BRPF3: variants seen among roughly 807,000 people sequenced by gnomAD.
BRPF3 encodes bromodomain and PHD finger-containing protein 3.
BRPF3 carries 18 observed loss-of-function variants against 102.0 expected under a neutral mutation model. That is an observed-to-expected ratio of 0.18 (90% CI 0.12 to 0.26). BRPF3 has a LOEUF of 0.26. Ranked by LOEUF, BRPF3 falls within the 10% of genes least tolerant of loss-of-function variation. The pLI, the probability that BRPF3 is intolerant of heterozygous loss-of-function variation, is 1.00. For missense variants in BRPF3, 1,147 were observed against 1,567.8 expected (o/e 0.73, Z 4.53); for synonymous variants, 570 against 614.2 (o/e 0.93, Z 1.06).
chr6:36,208,978 C>G (rs1364940597), intron 4 of BRPF3, among the ~76,000 whole-genome samples: 1 of 152,210 alleles, frequency 6.6e-6, no homozygotes, highest in Non-Finnish European at 1.5e-5. Flanking sequence ...GAATCAGTAT[C>G]TCAGCACACT....
Position 36,210,641 on chromosome 6 carries a change from AAAGCTGAGGGTGAGCAC to A in BRPF3, c.2179+115_2179+131del. The A allele has an allele frequency of 1.0e-6, 1 of 971,954 alleles. No individual in the cohort carries two copies. The allele number at this position is 971,954 out of a possible 1,614,324, so 60.2% of individuals were successfully genotyped here. A position where few individuals can be genotyped will look rare whatever the true frequency, so the allele number is the denominator to read the frequency against. ...GGGGCTATAGGTAGACTCCAGGAGC[AAAGCTGAGGGTGAGCAC>A]AGACTGAGGTATACCTTTGTGGCTA... On this transcript the variant is annotated intron_variant, in intron 6 of 12. Coordinates refer to ENST00000357641, the MANE Select transcript of BRPF3 (RefSeq NM_015695.3). This position sits in a 1 kb window ranked among gnomAD's most constrained non-coding sequence, Gnocchi z 4.7.
chr6:36,222,082 C>CAA, intron 9 of BRPF3, 86 bp from the exon 10 acceptor site: 1 of 1,341,218 alleles, frequency 7.5e-7, no homozygotes, highest in South Asian at 1.3e-5. Context: ...CCACTCCTGT[C>CAA]AGAGAGGGGA....
chr6:36,203,026 T>C (rs1767774728), intron 2 of BRPF3, among the ~76,000 whole-genome samples: 1 of 152,242 alleles, frequency 6.6e-6, no homozygotes, highest in African/African-American at 2.4e-5. Flanking sequence ...ATGTGTTTTC[T>C]AGTCACAGAG....
At chr6:36,204,559 A>G (rs777726475) in intron 2 of BRPF3, 99 bp from the exon 3 acceptor site, 11 of 1,404,042 alleles carry the variant, frequency 7.8e-6, no homozygotes, top group Admixed American at 6.8e-5. Flanking sequence ...GTCTTCCTGT[A>G]TAAGGTTCAG....
At position 36,200,859 on chromosome 6, in the gene BRPF3, G is replaced by A; in HGVS notation, c.537G>A (p.Val179=). Residue 179 remains valine (V), a synonymous_variant, in exon 2 of 13, where the codon GTG becomes GTA. Coordinates refer to ENST00000357641, the MANE Select transcript of BRPF3 (RefSeq NM_015695.3). This position sits in a 1 kb window ranked among gnomAD's most constrained non-coding sequence, Gnocchi z 5.3. ...GGCGAGTAGATGGGCACAGTTTGGT[G>A]TCTGCAGATACCTTTGAGCTGCTGG... The part of the protein sequence containing the change: ...EKRRVDGHSL[V]SADTFELLVD... 6.2e-7 allele frequency: 1 copy of A among 1,614,214 alleles called. No individual in the cohort carries two copies. Among genetic ancestry groups the A allele is most frequent in the Non-Finnish European group, 8.5e-7 (1 of 1,180,038 alleles).
rs562718902 is a variant in BRPF3, at chr6:36,222,233, G to A, written c.3149G>A (p.Gly1050Asp). 112 of 1,550,262 alleles carry A rather than the reference G, an allele frequency of 7.2e-5. 2 individuals carry two copies. The South Asian group carries it at 1.3e-3, about 17-fold the overall frequency. ...CTGTCTCGAGTGCCCTTCCTGGAAG[G>A]TGTGAACGGAGACTCTGACTACAAT... is the stretch of plus-strand genomic sequence containing the variant. ...PALSRVPFLE[G>D]VNGDSDYNGS... Residue 1050 changes from glycine to aspartate, a missense_variant, in exon 10 of 13, where the codon GGT (glycine) becomes GAT (aspartate). Physicochemically the swap from Gly to Asp is moderately conservative, Grantham distance 94 (BLOSUM62 -1). Coordinates refer to ENST00000357641, the MANE Select transcript of BRPF3 (RefSeq NM_015695.3).
intron 9 of BRPF3, among the ~76,000 whole-genome samples, chr6:36,219,347 AAG>A (rs1319670083): frequency 2.6e-5 from 4 of 152,186 alleles, no homozygotes; most frequent in African/African-American, 9.7e-5. Context: ...AGGCACAGGA[AAG>A]AGAAAGATTT....
intron 8 of BRPF3, among the ~76,000 whole-genome samples, chr6:36,216,598 C>T (rs1768337153): frequency 6.6e-6 from 1 of 152,224 alleles, no homozygotes. Flanking sequence ...CATTGTGGCT[C>T]AGACACCTGC....
intron 11 of BRPF3, among the ~76,000 whole-genome samples, chr6:36,228,385 A>G (rs7747793): frequency 0.9 from 137,615 of 152,228 alleles, 62,340 homozygotes; most frequent in East Asian, 0.97. Flanking sequence ...TGTGGAGCTT[A>G]TTGCCTCAAG....
chr6:36,227,205 T>A (rs558762392), intron 11 of BRPF3, among the ~76,000 whole-genome samples: 54 of 152,050 alleles, frequency 3.6e-4, no homozygotes, highest in African/African-American at 1.3e-3. Context: ...CTGGCTCTTG[T>A]CTTTTTTTTC....
Position 36,201,736 on chromosome 6 carries a change from C to T in BRPF3, c.1414C>T (p.Pro472Ser), listed in dbSNP as rs775892441. ...EAGQDTPSTLPMLAVPQIPSY... is the reference protein window; with the variant it reads ...EAGQDTPSTLSMLAVPQIPSY... ...AGGCCAAGACACACCCTCCACTCTC[C>T]CCATGCTTGCTGTCCCACAGATACC... Residue 472 changes from proline (P) to serine (S), a missense_variant, in exon 2 of 13, where the codon CCC becomes TCC. Around this residue, in one of 11 missense-constraint regions of BRPF3, gnomAD observed 157 missense variants for 163.6 expected, o/e 0.96. Coordinates refer to ENST00000357641, the MANE Select transcript of BRPF3 (RefSeq NM_015695.3). The surrounding 1 kb of genome is among the most constrained non-coding windows in gnomAD (Gnocchi z 5.1). The T allele has an allele frequency of 7.4e-6, 12 of 1,611,320 alleles. No homozygotes were observed. The highest frequency in any genetic ancestry group is 5.0e-5 in the Admixed American group (3 of 59,762).
intron 9 of BRPF3, among the ~76,000 whole-genome samples, chr6:36,220,970 C>T (rs1264667351): frequency 6.6e-6 from 1 of 152,172 alleles, no homozygotes; most frequent in Non-Finnish European, 1.5e-5. Flanking sequence ...TTAAGCATTT[C>T]TGCTTTTCTG....
intron 8 of BRPF3, among the ~76,000 whole-genome samples, chr6:36,215,761 A>T (rs1581973913): frequency 6.6e-6 from 1 of 152,062 alleles, no homozygotes; most frequent in East Asian, 1.9e-4. Flanking sequence ...GGCTTCCCAG[A>T]GCATCAGGAG....
At chr6:36,227,018 G>A (rs776152124) in intron 11 of BRPF3, among the ~76,000 whole-genome samples, 9 of 152,084 alleles carry the variant, frequency 5.9e-5, no homozygotes, top group South Asian at 2.1e-4. Flanking sequence ...TCTAAAACTC[G>A]TCTTTTTTTT....
At chr6:36,198,146 T>C (rs1027465900) in intron 1 of BRPF3, among the ~76,000 whole-genome samples, 1 of 152,198 alleles carries the variant, frequency 6.6e-6, no homozygotes, top group Non-Finnish European at 1.5e-5. Flanking sequence ...ATTGCTGCGA[T>C]GATTCTGTTT....
rs1225440318 is a variant in BRPF3, at chr6:36,230,313, C to G, written c.3435-113C>G. 1.9e-6 allele frequency: 2 copies of G among 1,069,798 alleles called. No homozygotes were observed. The highest frequency in any genetic ancestry group is 2.7e-6 in the Non-Finnish European group (2 of 728,642). 66.3% of individuals were successfully genotyped at this position (1,069,798 alleles called of 1,614,324 possible). ...ATGGAGTCCCCCAATTTGCTTCCCT[C>G]TGCCCTGTACCCTCTCCCTGGCTTT... On this transcript the variant is annotated intron_variant, in intron 12 of 12. Transcript: ENST00000357641. This position sits in a 1 kb window ranked among gnomAD's most constrained non-coding sequence, Gnocchi z 5.4.
intron 4 of BRPF3, among the ~76,000 whole-genome samples, chr6:36,209,160 A>AT (rs1264179070): frequency 1.3e-5 from 2 of 151,926 alleles, no homozygotes; most frequent in African/African-American, 4.8e-5. Context: ...TTTAATTTGT[A>AT]TTTTTTTTCT....
At position 36,228,968 on chromosome 6, in the gene BRPF3, C is replaced by A. The variant is rs780816389; in HGVS notation, c.3346C>A (p.Leu1116Met). The A allele has an allele frequency of 1.9e-6, 3 of 1,614,242 alleles. No individual in the cohort carries two copies. Among genetic ancestry groups the A allele is most frequent in the Non-Finnish European group, 2.5e-6 (3 of 1,180,038 alleles). Residue 1116 changes from leucine to methionine, a missense_variant, in exon 12 of 13, where the codon CTG becomes ATG. By Grantham distance (15) the Leu-to-Met change is conservative. This residue lies in a region of BRPF3 where 85 missense variants were observed against 172.9 expected (regional missense o/e 0.49). Coordinates refer to ENST00000357641, the MANE Select transcript of BRPF3 (RefSeq NM_015695.3). ...TGGCGTTCCCATCCCTGTCCCCCCGCTGGACGTGCTGAAGCTGGGAGAGCA... is the reference window on the plus strand; with the variant it reads ...TGGCGTTCCCATCCCTGTCCCCCCGATGGACGTGCTGAAGCTGGGAGAGCA... ...HNGVPIPVPP[L>M]DVLKLGEQKQ... is the part of the protein sequence containing the mutation.
chr6:36,227,981 A>C (rs1768801662), intron 11 of BRPF3, among the ~76,000 whole-genome samples: 1 of 152,232 alleles, frequency 6.6e-6, no homozygotes, highest in South Asian at 2.1e-4. Context: ...CTGCTTCCTC[A>C]GTAAGTTCCT....
Sources: allele counts gnomAD v4.1 joint callset (sites outside exome capture counted in the v4.1 genomes callset), GRCh38; gene constraint gnomAD v4.1.1; regional missense constraint gnomAD v4.1.1; non-coding constraint Gnocchi (gnomAD v3.1); transcripts MANE v1.5; gene names NCBI Gene and HGNC (gene_info 2026-07-23, HGNC 2026-07-21).